Variants in PRH1 observed in about 807,000 individuals in gnomAD.
PRH1 encodes the protein salivary acidic proline-rich phosphoprotein 1/2.
PRH1 carries 7 observed loss-of-function variants against 7.9 expected under a neutral mutation model. That is an observed-to-expected ratio of 0.89 (90% CI 0.50 to 1.67). The LOEUF (loss-of-function observed/expected upper bound fraction) is 1.67, where lower values mean the gene tolerates loss of function less well. PRH1 is among the 40% of genes most tolerant of loss of function. PRH1 has a pLI of 0.00. For missense variants in PRH1, 109 were observed against 223.6 expected, an observed-to-expected ratio of 0.49 and a Z score of 3.27; for synonymous variants, 45 against 80.8, an observed-to-expected ratio of 0.56 and a Z score of 2.38.
intron 2 of PRH1, among the ~76,000 whole-genome samples, chr12:10,924,131 G>A (rs1187330449): frequency 6.6e-6 from 1 of 151,574 alleles, no homozygotes; most frequent in Non-Finnish European, 1.5e-5. Flanking sequence ...GGGACTACAG[G>A]CGCCTGCCAC....
intron 1 of PRH1, chr12:11,133,106 T>C (rs1469984546): frequency 2.2e-5 from 15 of 678,776 alleles, no homozygotes; most frequent in Admixed American, 4.1e-5. Context: ...TTGTCAATGT[T>C]CTTCAGTTTT....
In PRH1 at chr12:11,090,952, A is replaced by T. The variant is rs1285977792; in HGVS notation, n.124-43764T>A. Among the ~76,000 whole-genome samples, 15 of 110,334 alleles carry T rather than the reference A, an allele frequency of 1.4e-4. 4 individuals carry two copies. Among genetic ancestry groups the T allele is most frequent in the African/African-American group, 4.2e-4 (14 of 33,306 alleles). 72.4% of individuals were successfully genotyped at this position (110,334 alleles called of 152,430 possible). A position where few individuals can be genotyped will look rare whatever the true frequency, so the allele number is the denominator to read the frequency against. ...ATTATAAATAGACATTGCAAATTCT[A>T]CAAATGAAATAAAAAATACATGAAT... On this transcript the variant is annotated intron_variant and non_coding_transcript_variant, in intron 1 of 4. Coordinates refer to the PRH1 transcript ENST00000541977.
At chr12:11,002,699 T>C (rs1338294434) in intron 1 of PRH1, among the ~76,000 whole-genome samples, 1 of 152,100 alleles carries the variant, frequency 6.6e-6, no homozygotes, top group East Asian at 1.9e-4. Flanking sequence ...GTCAAAGTAA[T>C]ACTACATATA....
rs10645657 is a variant in PRH1, at chr12:11,133,120, T to TACACAC, written n.40-11946_40-11941dup. On this transcript the variant is annotated intron_variant and non_coding_transcript_variant, in intron 1 of 1. Transcript: ENST00000541175. The stretch of plus-strand genomic sequence containing the variant: ...ATTGTCAATGTTCTTCAGTTTTTCA[T>TACACAC]ACACACACACACACACACACACATC... The TACACAC allele has an allele frequency of 4.3e-3, 2,128 of 496,848 alleles. 6 individuals are homozygous for TACACAC. The highest frequency in any genetic ancestry group is 3.1e-3 in the Non-Finnish European group (991 of 319,144). 30.8% of individuals were successfully genotyped at this position (496,848 alleles called of 1,614,324 possible).
intron 2 of PRH1, among the ~76,000 whole-genome samples, chr12:10,941,488 T>G (rs1455289810): frequency 6.6e-6 from 1 of 152,064 alleles, no homozygotes; most frequent in East Asian, 1.9e-4. Flanking sequence ...TCATTTTAAC[T>G]TTTTTATGCA....
chr12:10,972,935 C>CCCCCCCCCCCCCCCCCCCCCCCCA (rs1555119327), intron 2 of PRH1, among the ~76,000 whole-genome samples: 1 of 123,070 alleles, frequency 8.1e-6, no homozygotes, highest in African/African-American at 3.0e-5. Flanking sequence ...ACAACCCACC[C>CCCCCCCCCCCCCCCCCCCCCCCCA]CCCCCGCCCG....
At chr12:11,024,975 A>G (rs559259385) in intron 1 of PRH1, among the ~76,000 whole-genome samples, 1 of 151,956 alleles carries the variant, frequency 6.6e-6, no homozygotes, top group Admixed American at 6.5e-5. Flanking sequence ...TGTTTTATAT[A>G]GTCAACATTT....
intron 2 of PRH1, chr12:10,929,462 C>T (rs1950170928): frequency 1.1e-5 from 13 of 1,196,222 alleles, no homozygotes; most frequent in Non-Finnish European, 1.6e-5. Flanking sequence ...GTTCTCATGC[C>T]AAGGATCAGA....
chr12:11,162,741 G>A (rs952271468), intron 1 of PRH1, among the ~76,000 whole-genome samples: 1 of 152,180 alleles, frequency 6.6e-6, no homozygotes, highest in Admixed American at 6.5e-5. Context: ...ACTGGAGCTT[G>A]AGAAGTGATG....
intron 2 of PRH1, among the ~76,000 whole-genome samples, chr12:10,925,629 A>C (rs1950113055): frequency 6.6e-6 from 1 of 152,244 alleles, no homozygotes; most frequent in Admixed American, 6.5e-5. Flanking sequence ...ATGGAAGCCT[A>C]CGTAAATGTG....
chr12:11,169,146 T>C (rs1203720621), intron 1 of PRH1, among the ~76,000 whole-genome samples: 1 of 152,260 alleles, frequency 6.6e-6, no homozygotes, highest in Non-Finnish European at 1.5e-5. Context: ...TCAATGCAGT[T>C]AATCTGTACA....
rs766598967 is a variant in PRH1 at position 11,091,967 on chromosome 12, C to A, written n.124-44779G>T. ...GTTGCTGAAATGGTTGATCACTGCC[C>A]AGATATTATAAGCAGTAGTTCTTAC... On this transcript the variant is annotated intron_variant and non_coding_transcript_variant, in intron 1 of 4. Coordinates refer to the PRH1 transcript ENST00000541977. 8 of 1,267,826 alleles carry A rather than the reference C, an allele frequency of 6.3e-6. 3 individuals are homozygous for A. Among genetic ancestry groups the A allele is most frequent in the Non-Finnish European group, 8.9e-6 (8 of 900,618 alleles). 78.5% of individuals were successfully genotyped at this position (1,267,826 alleles called of 1,614,324 possible).
At chr12:11,012,149 T>C (rs775410167) in intron 1 of PRH1, among the ~76,000 whole-genome samples, 24 of 152,292 alleles carry the variant, frequency 1.6e-4, no homozygotes, top group Middle Eastern at 3.4e-3. Context: ...CTTCTCTGTA[T>C]GTGAATTTTC....
chr12:10,964,777 C>A, intron 2 of PRH1: 1 of 625,024 alleles, frequency 1.6e-6, no homozygotes. Context: ...GAAAAGATAA[C>A]AGGGACAGAG....
rs952814543 is a variant in PRH1 at position 11,083,109 on chromosome 12, T to A, written n.124-35921A>T. On this transcript the variant is annotated intron_variant and non_coding_transcript_variant, in intron 1 of 4. Coordinates refer to the PRH1 transcript ENST00000541977. ...ATCTTTGAATGGTAAAAAATGTGTA[T>A]AATTATTTTATTTAGGGATAAATTT... 5.1e-5 allele frequency among the ~76,000 whole-genome samples: 6 copies of A among 117,728 alleles called. 1 individual carries two copies. Among genetic ancestry groups the A allele is most frequent in the African/African-American group, 1.7e-4 (6 of 35,240 alleles). The allele number at this position is 117,728 out of a possible 152,430, so 77.2% of individuals were successfully genotyped here. A position where few individuals can be genotyped will look rare whatever the true frequency, so the allele number is the denominator to read the frequency against.
rs989755200 is a variant in PRH1 at position 10,959,357 on chromosome 12, T to C, written c.-59+14298A>G. Reference sequence around the variant, plus strand: ...TAGAGAAAGGATTCGGAGACCAGCGTTGAGATCTCAGCTGAAAGATTAAAT... The same window carrying C: ...TAGAGAAAGGATTCGGAGACCAGCGCTGAGATCTCAGCTGAAAGATTAAAT... On this transcript the variant is annotated intron_variant, in intron 2 of 3. Transcript: ENST00000539853. Among the ~76,000 whole-genome samples the C allele has an allele frequency of 3.3e-5, 5 of 152,120 alleles. No homozygotes were observed. In the East Asian group the frequency reaches 7.7e-4, roughly 23 times the overall value.
intron 2 of PRH1, among the ~76,000 whole-genome samples, chr12:10,936,633 C>T (rs1378898852): frequency 6.6e-6 from 1 of 152,140 alleles, no homozygotes; most frequent in Non-Finnish European, 1.5e-5. Flanking sequence ...CTTTCAGTCA[C>T]TATAGATTAC....
intron 1 of PRH1, among the ~76,000 whole-genome samples, chr12:11,061,072 T>A (rs1410397275): frequency 1.3e-5 from 2 of 152,128 alleles, no homozygotes; most frequent in Non-Finnish European, 2.9e-5. Flanking sequence ...TATGGATTCA[T>A]AATTCTTAAG....
intron 1 of PRH1, chr12:11,030,805 C>T (rs372033706): frequency 1.5e-5 from 24 of 1,614,030 alleles, no homozygotes; most frequent in African/African-American, 6.7e-5. Context: ...TGGTTACAGT[C>T]GCATCTGAAA....
Sources: allele counts gnomAD v4.1 joint callset (sites outside exome capture counted in the v4.1 genomes callset), GRCh38; gene constraint gnomAD v4.1.1; transcripts MANE v1.5; gene names NCBI Gene and HGNC (gene_info 2026-07-23, HGNC 2026-07-21).